SGPP2: variants seen among roughly 807,000 people sequenced by gnomAD.
SGPP2 encodes sphingosine 1-phosphate phosphohydrolase 2.
SGPP2 carries 30 observed loss-of-function variants against 33.9 expected under a neutral mutation model. The ratio of observed to expected loss-of-function variants is 0.89; its 90% CI spans 0.66 to 1.20. The LOEUF (loss-of-function observed/expected upper bound fraction) is 1.20. SGPP2 is among the 50% of genes most tolerant of loss of function. SGPP2 has a pLI of 0.00. For synonymous variants in SGPP2, 233 were observed against 225.0 expected (o/e 1.04, Z -0.32); for missense variants, 458 against 532.1 (o/e 0.86, Z 1.37).
At position 222,482,482 on chromosome 2, in the gene SGPP2, G is replaced by A. The variant is rs77864848; in HGVS notation, c.378+7756G>A. Among the ~76,000 whole-genome samples, 1,426 of 152,202 alleles carry A rather than the reference G, an allele frequency of 9.4e-3. 24 individuals are homozygous for A. Among genetic ancestry groups the A allele is most frequent in the African/African-American group, 0.031 (1,305 of 41,512 alleles). On this transcript the variant is annotated intron_variant, in intron 2 of 4. Transcript: ENST00000321276. ...CACAATCATAGCTCACTGCAGCTTC[G>A]AATTCCTTGACTCAAGTGATCCTAC...
chr2:222,459,210 G>A (rs139228036), intron 1 of SGPP2, among the ~76,000 whole-genome samples: 1,518 of 137,748 alleles, frequency 0.011, 14 homozygotes, highest in Middle Eastern at 0.049. Flanking sequence ...GCAGTGGCAC[G>A]ATCTTGGCTC....
At chr2:222,498,116 G>T (rs1698309270) in intron 2 of SGPP2, among the ~76,000 whole-genome samples, 1 of 152,146 alleles carries the variant, frequency 6.6e-6, no homozygotes, top group South Asian at 2.1e-4. Context: ...TGATTGCAGA[G>T]AGTGTAGCCC....
At position 222,512,433 on chromosome 2, in the gene SGPP2, C is replaced by G. The variant is rs1698543701; in HGVS notation, c.379-9334C>G. On this transcript the variant is annotated intron_variant, in intron 2 of 4. Coordinates refer to ENST00000321276, the MANE Select transcript of SGPP2 (RefSeq NM_152386.4). Reference sequence around the variant, plus strand: ...CAACCTCCCCCACTACCAAAATTCCCCGCCACAGTGATACATTTGGTACAA... The same window carrying G: ...CAACCTCCCCCACTACCAAAATTCCGCGCCACAGTGATACATTTGGTACAA... 2.0e-5 allele frequency among the ~76,000 whole-genome samples: 3 copies of G among 152,132 alleles called. No homozygotes were observed. The South Asian group carries it at 6.2e-4, about 32-fold the overall frequency.
intron 1 of SGPP2, among the ~76,000 whole-genome samples, chr2:222,440,367 G>A (rs192488353): frequency 3.2e-4 from 48 of 149,886 alleles, no homozygotes; most frequent in Admixed American, 2.6e-3. Flanking sequence ...TTTTTGAGAC[G>A]GAATCTCATT....
chr2:222,474,642 AG>A lies in SGPP2; in HGVS notation c.295del (p.Glu99LysfsTer23). ...LFQFSAALGQ[E>X]VFYITFLPFT... ...TCCAATTTTCAGCTGCTTTGGGCCAAGAAGTGTTCTACATCACGTTTCTTCC... is the reference window on the plus strand; with the variant it reads ...TCCAATTTTCAGCTGCTTTGGGCCAAAAGTGTTCTACATCACGTTTCTTCC... On this transcript the variant is annotated frameshift_variant, in exon 2 of 5. Transcript: ENST00000321276. LOFTEE classifies it high-confidence loss of function. The A allele has an allele frequency of 6.2e-7, 1 of 1,614,010 alleles. No individual in the cohort carries two copies.
intron 1 of SGPP2, among the ~76,000 whole-genome samples, chr2:222,464,037 C>T (rs764171510): frequency 2.6e-5 from 4 of 152,214 alleles, no homozygotes; most frequent in South Asian, 2.1e-4. Flanking sequence ...CACTCCTTCT[C>T]GAACATCATA....
In SGPP2 at chr2:222,562,460, T is replaced by C. The variant is rs774627875; in HGVS notation, c.*3562T>C. On this transcript the variant is annotated 3_prime_UTR_variant, in exon 5 of 5. Coordinates refer to ENST00000321276, the MANE Select transcript of SGPP2 (RefSeq NM_152386.4). ...TTTTCTCACCCAAATAGGCAACTCA[T>C]GCTTCCTGAGTGTAATCAAAGCATG... Among the ~76,000 whole-genome samples, 19 of 152,254 alleles carry C rather than the reference T, an allele frequency of 1.2e-4. No individual in the cohort carries two copies. Among genetic ancestry groups the C allele is most frequent in the Non-Finnish European group, 2.4e-4 (16 of 68,052 alleles).
In SGPP2 at chr2:222,477,581, G is replaced by A. The variant is rs1435112226; in HGVS notation, c.378+2855G>A. On this transcript the variant is annotated intron_variant, in intron 2 of 4. Transcript: ENST00000321276. This position sits in a 1 kb window ranked among gnomAD's most constrained non-coding sequence, Gnocchi z 6.0. ...TATATGTGTGAGTGTATGTATATAG[G>A]TGTGTGTATATATATGTGTGTGTGT... Among the ~76,000 whole-genome samples the A allele has an allele frequency of 6.6e-6, 1 of 151,842 alleles. No homozygotes were observed. The highest frequency in any genetic ancestry group is 1.5e-5 in the Non-Finnish European group (1 of 67,926).
At chr2:222,497,191 TCTTTAA>T (rs1166590766) in intron 2 of SGPP2, among the ~76,000 whole-genome samples, 5 of 151,540 alleles carry the variant, frequency 3.3e-5, no homozygotes, top group Admixed American at 6.6e-5. Flanking sequence ...TGCTCAGGAG[TCTTTAA>T]ACCAGAAACC....
intron 2 of SGPP2, among the ~76,000 whole-genome samples, chr2:222,506,397 G>C (rs1698445646): frequency 6.6e-6 from 1 of 152,198 alleles, no homozygotes; most frequent in African/African-American, 2.4e-5. Context: ...GAAATTACTT[G>C]ATATGTACCG....
At chr2:222,546,330 C>T (rs1048302173) in intron 4 of SGPP2, among the ~76,000 whole-genome samples, 5 of 152,160 alleles carry the variant, frequency 3.3e-5, no homozygotes, top group African/African-American at 9.7e-5. Context: ...CTCATTACAT[C>T]TTGGATGTCA....
chr2:222,484,648 C>T (rs1293336934), intron 2 of SGPP2, among the ~76,000 whole-genome samples: 3 of 152,010 alleles, frequency 2.0e-5, no homozygotes, highest in Admixed American at 6.6e-5. Flanking sequence ...CATGTAGACC[C>T]CAAACCAAGG....
intron 2 of SGPP2, among the ~76,000 whole-genome samples, chr2:222,520,940 T>G (rs1317134213): frequency 6.6e-6 from 1 of 152,026 alleles, no homozygotes; most frequent in Non-Finnish European, 1.5e-5. Flanking sequence ...TAAAATTTTT[T>G]GTAGAGACAG....
intron 1 of SGPP2, among the ~76,000 whole-genome samples, chr2:222,431,262 C>A (rs758701031): frequency 2.0e-5 from 3 of 151,844 alleles, no homozygotes; most frequent in Admixed American, 1.3e-4. Context: ...CGCAGCATTT[C>A]GGGAGGCCAA....
intron 4 of SGPP2, among the ~76,000 whole-genome samples, chr2:222,541,005 G>A (rs1213127706): frequency 6.6e-6 from 1 of 151,916 alleles, no homozygotes; most frequent in Non-Finnish European, 1.5e-5. Context: ...TTTTAGTAGA[G>A]ACGATGTTTC....
intron 2 of SGPP2, among the ~76,000 whole-genome samples, chr2:222,499,400 C>A (rs1437774203): frequency 6.6e-6 from 1 of 152,208 alleles, no homozygotes; most frequent in African/African-American, 2.4e-5. Flanking sequence ...GCTCGGCCAG[C>A]CTGCTCCCCT....
chr2:222,504,863 A>G (rs1226908939), intron 2 of SGPP2: 1 of 152,234 alleles, frequency 6.6e-6, no homozygotes, highest in Non-Finnish European at 1.5e-5. Context: ...GGAGGCTGGC[A>G]CTGCAAAAAA....
In SGPP2 at chr2:222,558,674, AC is replaced by A. The variant is rs766267291; in HGVS notation, c.978del (p.Lys327AsnfsTer8). On this transcript the variant is annotated frameshift_variant, in exon 5 of 5. Coordinates refer to ENST00000321276, the MANE Select transcript of SGPP2 (RefSeq NM_152386.4). LOFTEE classifies it high-confidence loss of function. Reference protein sequence around the residue: ...LTTYMLVLGLTKFAVGIVLIL... With the variant: ...LTTYMLVLGLXKFAVGIVLIL... The stretch of plus-strand genomic sequence containing the variant: ...CACCTACATGTTAGTTTTGGGTCTG[AC>A]CAAATTTGCAGTGGGAATTGTGTTG... 2 of 1,614,146 alleles carry A rather than the reference AC, an allele frequency of 1.2e-6. No individual in the cohort carries two copies. The highest frequency in any genetic ancestry group is 1.7e-6 in the Non-Finnish European group (2 of 1,180,018).
At chr2:222,478,606 C>T (rs1393872319) in intron 2 of SGPP2, among the ~76,000 whole-genome samples, 1 of 152,190 alleles carries the variant, frequency 6.6e-6, no homozygotes, top group East Asian at 1.9e-4. Context: ...AGTCTTGTAA[C>T]TGAACATCTT....
Sources: allele counts gnomAD v4.1 joint callset (sites outside exome capture counted in the v4.1 genomes callset), GRCh38; gene constraint gnomAD v4.1.1; non-coding constraint Gnocchi (gnomAD v3.1); transcripts MANE v1.5; gene names NCBI Gene and HGNC (gene_info 2026-07-23, HGNC 2026-07-21).